Variants in IDH3A observed in about 807,000 individuals in gnomAD.
The protein encoded by IDH3A is isocitrate dehydrogenase (NAD(+)) 3 catalytic subunit alpha.
Under a neutral mutation model 43.3 loss-of-function variants are expected in IDH3A, and 23 were observed. The observed-to-expected ratio is 0.53, with a 90% CI of 0.38 to 0.75. The LOEUF is 0.75. Among genes scored for constraint, IDH3A ranks in the 30% least tolerant of loss-of-function variants. The pLI is 0.00. For synonymous variants in IDH3A, 154 were observed against 163.5 expected (o/e 0.94, Z 0.44); for missense variants, 329 against 474.4 (o/e 0.69, Z 2.85).
chr15:78,168,800 A>T (rs1007830618), intron 10 of IDH3A, 122 bp from the exon 11 acceptor site: 1 of 654,538 alleles, frequency 1.5e-6, no homozygotes, highest in Middle Eastern at 2.6e-4. Flanking sequence ...TGAAATGAGG[A>T]ACTAAATGAA....
At position 78,165,018 on chromosome 15, in the gene IDH3A, G is replaced by T; in HGVS notation, c.806G>T (p.Gly269Val). 1 of 1,613,860 alleles carries T rather than the reference G, an allele frequency of 6.2e-7. No homozygotes were observed. The highest frequency in any genetic ancestry group is 8.5e-7 in the Non-Finnish European group (1 of 1,179,874). Reference protein sequence around the residue: ...LSDLCAGLIGGLGVTPSGNIG... With the variant: ...LSDLCAGLIGVLGVTPSGNIG... ...GACTTGTGTGCAGGATTGATCGGAGGTCTCGGTGTGACACCAAGTGGCAAC... is the reference window on the plus strand; with the variant it reads ...GACTTGTGTGCAGGATTGATCGGAGTTCTCGGTGTGACACCAAGTGGCAAC... The change falls in exon 9 of 11, where the codon GGT (glycine) becomes GTT (valine). Residue 269 changes from glycine to valine, a missense_variant. Physicochemically the swap from Gly to Val is moderately radical, Grantham distance 109. Around this residue, in one of 3 missense-constraint regions of IDH3A, gnomAD observed 212 missense variants for 345.5 expected, o/e 0.61. Transcript: ENST00000299518.
intron 1 of IDH3A, chr15:78,150,767 T>A (rs1225506967): frequency 6.6e-6 from 1 of 152,282 alleles, no homozygotes. Flanking sequence ...GTGGTTTTCA[T>A]GGGCATCATT....
Position 78,161,919 on chromosome 15 carries a change from A to G in IDH3A, c.477+151A>G. 1.3e-6 allele frequency: 1 copy of G among 744,274 alleles called. No individual in the cohort carries two copies. The highest frequency in any genetic ancestry group is 2.6e-5 in the East Asian group (1 of 38,504). The allele number at this position is 744,274 out of a possible 1,614,324, so 46.1% of individuals were successfully genotyped here. A position where few individuals can be genotyped will look rare whatever the true frequency, so the allele number is the denominator to read the frequency against. On this transcript the variant is annotated intron_variant, in intron 5 of 10. Transcript: ENST00000299518. The surrounding 1 kb of genome is among the most constrained non-coding windows in gnomAD (Gnocchi z 4.8). ...GGCTGACAGTACTCAAACAAATGTA[A>G]GGCATGGTGGTTCGCGTCACAAGCT...
chr15:78,163,501 A>T lies in IDH3A; in HGVS notation c.612-6A>T, dbSNP rs2074705165. ...TTTTCAGCAGTTTTTATTTGATTAA[A>T]TACAGGCGGATGTCAGATGGGCTTT... On this transcript the variant is annotated splice_polypyrimidine_tract_variant and splice_region_variant and intron_variant, in intron 6 of 10. Transcript: ENST00000299518. 2 of 1,597,320 alleles carry T rather than the reference A, an allele frequency of 1.3e-6. No individual in the cohort carries two copies. The highest frequency in any genetic ancestry group is 2.2e-5 in the South Asian group (2 of 90,008).
rs1203513833 is a variant in IDH3A at position 78,169,362 on chromosome 15, C to G, written c.*357C>G. ...ATACAGAATTAACAAGAGAAAATGT[C>G]TAACTTTTTAAGAAAAACCTTATTT... On this transcript the variant is annotated 3_prime_UTR_variant, in exon 11 of 11. Coordinates refer to ENST00000299518, the MANE Select transcript of IDH3A (RefSeq NM_005530.3). 3 of 161,852 alleles carry G rather than the reference C, an allele frequency of 1.9e-5. No homozygotes were observed. Among genetic ancestry groups the G allele is most frequent in the African/African-American group, 7.2e-5 (3 of 41,902 alleles). The allele number at this position is 161,852 out of a possible 1,614,324, so 10.0% of individuals were successfully genotyped here.
rs947964290 is a variant in IDH3A, at chr15:78,169,971, A to G, written c.*966A>G. On this transcript the variant is annotated 3_prime_UTR_variant, in exon 11 of 11. Transcript: ENST00000299518. ...AATTGAGGAACTTGGGATGCTATTA[A>G]TTTTGTATTTCAGCAACTGCCCCTT... The G allele has an allele frequency of 6.6e-6, 1 of 152,240 alleles. No homozygotes were observed. Among genetic ancestry groups the G allele is most frequent in the African/African-American group, 2.4e-5 (1 of 41,436 alleles). The allele number at this position is 152,240 out of a possible 1,614,324, so 9.4% of individuals were successfully genotyped here.
At position 78,171,556 on chromosome 15, in the gene IDH3A, T is replaced by C. The variant is rs769884974; in HGVS notation, c.*2551T>C. 7 of 1,584,938 alleles carry C rather than the reference T, an allele frequency of 4.4e-6. No individual in the cohort carries two copies. The South Asian group carries it at 7.7e-5, about 18-fold the overall frequency. On this transcript the variant is annotated 3_prime_UTR_variant, in exon 11 of 11. Transcript: ENST00000299518. ...TAAAAGGGAAATGAGAAGAAATGAG[T>C]GAGGCCCAGGCTCTGAGAACTCTGA...
At chr15:78,160,273 T>C in intron 4 of IDH3A, 67 bp downstream of exon 4, 1 of 905,622 alleles carries the variant, frequency 1.1e-6, no homozygotes, top group Non-Finnish European at 1.8e-6. Flanking sequence ...GTTTTGAAAA[T>C]TTATGCATTT....
chr15:78,168,141 A>T (rs1055846451), intron 10 of IDH3A: 1 of 152,072 alleles, frequency 6.6e-6, no homozygotes, highest in Non-Finnish European at 1.5e-5. Context: ...AGAGTTAATG[A>T]TTTAGGCAGG....
chr15:78,159,637 C>T (rs2074660753), intron 3 of IDH3A, among the ~76,000 whole-genome samples: 1 of 152,164 alleles, frequency 6.6e-6, no homozygotes, highest in South Asian at 2.1e-4. Context: ...TAGAGAATGA[C>T]ATCTCTTCTT....
At chr15:78,151,052 T>G (rs556166474) in intron 1 of IDH3A, 1 of 152,336 alleles carries the variant, frequency 6.6e-6, no homozygotes, top group South Asian at 2.1e-4. Context: ...GTGATCTGCA[T>G]GAAAAAACCC....
At chr15:78,163,057 A>G (rs1255626406) in intron 6 of IDH3A, among the ~76,000 whole-genome samples, 1 of 152,236 alleles carries the variant, frequency 6.6e-6, no homozygotes, top group East Asian at 1.9e-4. Flanking sequence ...AGTAGTGCTA[A>G]CAATACCTGA....
At chr15:78,156,713 G>C (rs1454037281) in intron 2 of IDH3A, among the ~76,000 whole-genome samples, 1 of 152,024 alleles carries the variant, frequency 6.6e-6, no homozygotes, top group African/African-American at 2.4e-5. Context: ...TAAAATATGT[G>C]GTTCCCAAAT....
Position 78,163,519 on chromosome 15 carries a change from T to C in IDH3A, c.624T>C (p.Asp208=). Residue 208 remains aspartate, a synonymous_variant, in exon 7 of 11, where the codon GAT becomes GAC. Transcript: ENST00000299518. ...TGATTAAATACAGGCGGATGTCAGA[T>C]GGGCTTTTTCTACAAAAATGCAGGG... ...VHKANIMRMS[D]GLFLQKCREV... 1.2e-6 allele frequency: 2 copies of C among 1,611,422 alleles called. No individual in the cohort carries two copies. Among genetic ancestry groups the C allele is most frequent in the Non-Finnish European group, 1.7e-6 (2 of 1,177,852 alleles).
chr15:78,160,829 G>A (rs1368656379), intron 4 of IDH3A, among the ~76,000 whole-genome samples: 2 of 151,332 alleles, frequency 1.3e-5, no homozygotes, highest in Non-Finnish European at 2.9e-5. Context: ...ATTAATACAT[G>A]TTTAAGGCCA....
chr15:78,161,839 G>T lies in IDH3A; in HGVS notation c.477+71G>T. 1 of 1,320,500 alleles carries T rather than the reference G, an allele frequency of 7.6e-7. No individual in the cohort carries two copies. Among genetic ancestry groups the T allele is most frequent in the Non-Finnish European group, 1.1e-6 (1 of 925,784 alleles). 81.8% of individuals were successfully genotyped at this position (1,320,500 alleles called of 1,614,324 possible). Reference sequence around the variant, plus strand: ...CTGTGCATCTGGGACCCCAGAGACAGATCTGCTTTATCTCTGTGAGGAGTT... The same window carrying T: ...CTGTGCATCTGGGACCCCAGAGACATATCTGCTTTATCTCTGTGAGGAGTT... On this transcript the variant is annotated intron_variant, in intron 5 of 10. Transcript: ENST00000299518. The surrounding 1 kb of genome is among the most constrained non-coding windows in gnomAD (Gnocchi z 4.8).
chr15:78,160,002 A>C, intron 3 of IDH3A, 90 bp from the exon 4 acceptor site: 1 of 798,578 alleles, frequency 1.3e-6, no homozygotes, highest in Non-Finnish European at 2.2e-6. Context: ...CTCAAAAACG[A>C]AGTTGAAAAA....
chr15:78,157,404 C>T (rs1246843160), intron 2 of IDH3A, 144 bp from the exon 3 acceptor site: 2 of 656,936 alleles, frequency 3.0e-6, no homozygotes, highest in Admixed American at 6.6e-5. Flanking sequence ...TTGATGACCC[C>T]CGGGGAGGTA....
chr15:78,164,891 C>A, intron 8 of IDH3A, 101 bp from the exon 9 acceptor site: 2 of 883,266 alleles, frequency 2.3e-6, no homozygotes, highest in Non-Finnish European at 1.9e-6. Flanking sequence ...AGGAATGCTA[C>A]TTCCTTTTAG....
Sources: allele counts gnomAD v4.1 joint callset (sites outside exome capture counted in the v4.1 genomes callset), GRCh38; gene constraint gnomAD v4.1.1; regional missense constraint gnomAD v4.1.1; non-coding constraint Gnocchi (gnomAD v3.1); transcripts MANE v1.5; gene names NCBI Gene and HGNC (gene_info 2026-07-23, HGNC 2026-07-21).